The following ADCY9 variants were observed in gnomAD, a reference collection of about 807,000 sequenced individuals.
ADCY9 encodes adenylate cyclase 9.
A neutral mutation model predicts 101.5 loss-of-function variants in ADCY9; 50 were observed. The observed-to-expected ratio is 0.49, with a 90% CI of 0.39 to 0.62. The LOEUF is 0.62. Among genes scored for constraint, ADCY9 ranks in the 20% least tolerant of loss-of-function variants. ADCY9 has a pLI of 0.00. For synonymous variants in ADCY9, 905 were observed against 769.3 expected, an observed-to-expected ratio of 1.18 and a Z score of -2.92; for missense variants, 1,662 against 1,800.4, an observed-to-expected ratio of 0.92 and a Z score of 1.39.
At position 4,115,534 on chromosome 16, in the gene ADCY9, C is replaced by T. The variant is rs3730097; in HGVS notation, c.-43-49G>A. ...AGCGGCGCTCCCACCTAGGCATGCACGCCTAGAGGCCCGGGACCTGCTCCT... is the reference window on the plus strand; with the variant it reads ...AGCGGCGCTCCCACCTAGGCATGCATGCCTAGAGGCCCGGGACCTGCTCCT... On this transcript the variant is annotated intron_variant, in intron 1 of 10. Transcript: ENST00000294016. This position sits in a 1 kb window ranked among gnomAD's most constrained non-coding sequence, Gnocchi z 6.2. 0.02 allele frequency: 28,514 copies of T among 1,404,202 alleles called. 343 individuals carry two copies. The highest frequency in any genetic ancestry group is 0.023 in the South Asian group (1,616 of 69,400). 87.0% of individuals were successfully genotyped at this position (1,404,202 alleles called of 1,614,324 possible).
At chr16:4,068,922 C>T (rs1228645841) in intron 2 of ADCY9, among the ~76,000 whole-genome samples, 2 of 152,002 alleles carry the variant, frequency 1.3e-5, no homozygotes, top group East Asian at 3.8e-4. Context: ...TAAGGACAGA[C>T]CATAATTTCC....
intron 6 of ADCY9, among the ~76,000 whole-genome samples, chr16:3,986,008 C>T (rs931727323): frequency 7.2e-5 from 11 of 152,142 alleles, no homozygotes; most frequent in Non-Finnish European, 1.3e-4. Flanking sequence ...GTGCCACTGG[C>T]TGCCAGGGCA....
At chr16:4,095,203 G>T (rs2056996039) in intron 2 of ADCY9, among the ~76,000 whole-genome samples, 1 of 137,830 alleles carries the variant, frequency 7.3e-6, no homozygotes, top group African/African-American at 2.7e-5. Context: ...GGTTTCGGAC[G>T]TTGGCCAGGC....
At chr16:4,046,611 G>A (rs2056666749) in intron 2 of ADCY9, among the ~76,000 whole-genome samples, 1 of 152,186 alleles carries the variant, frequency 6.6e-6, no homozygotes, top group African/African-American at 2.4e-5. Flanking sequence ...CTGTTTTACA[G>A]CCCTTTAACT....
chr16:4,033,735 G>A (rs896130295), intron 2 of ADCY9, among the ~76,000 whole-genome samples: 17 of 152,198 alleles, frequency 1.1e-4, no homozygotes, highest in African/African-American at 3.1e-4. Flanking sequence ...TATGTTCTTC[G>A]TCAGTTCATG....
At chr16:4,074,209 C>G (rs1456123712) in intron 2 of ADCY9, among the ~76,000 whole-genome samples, 3 of 151,856 alleles carry the variant, frequency 2.0e-5, no homozygotes, top group Non-Finnish European at 4.4e-5. Context: ...TAAACATTTA[C>G]AAGGTTCTCA....
intron 2 of ADCY9, among the ~76,000 whole-genome samples, chr16:4,073,043 G>A (rs1235156978): frequency 2.1e-5 from 3 of 145,660 alleles, no homozygotes; most frequent in East Asian, 4.0e-4. Context: ...AGAAAAAACC[G>A]ACTCTTAAAA....
chr16:3,975,293 CTTAATCTATTCA>C lies in ADCY9; in HGVS notation c.2829-595_2829-584del, dbSNP rs372439772. Among the ~76,000 whole-genome samples the C allele has an allele frequency of 5.3e-3, 806 of 152,274 alleles. 6 individuals are homozygous for C. Among genetic ancestry groups the C allele is most frequent in the African/African-American group, 0.019 (774 of 41,542 alleles). On this transcript the variant is annotated intron_variant, in intron 9 of 10. Coordinates refer to ENST00000294016, the MANE Select transcript of ADCY9 (RefSeq NM_001116.4). The stretch of plus-strand genomic sequence containing the variant: ...AAAAATCCAAGTCTGCTTTATTTTG[CTTAATCTATTCA>C]TTAAAGTTTCCTTTCAAGTACTGAA...
chr16:4,107,204 C>A (rs1275614646), intron 2 of ADCY9, among the ~76,000 whole-genome samples: 5 of 152,096 alleles, frequency 3.3e-5, no homozygotes, highest in Non-Finnish European at 7.4e-5. Context: ...TCATCTCTGC[C>A]ATTTGCTATC....
chr16:4,017,058 G>C (rs1329009940), intron 2 of ADCY9, among the ~76,000 whole-genome samples: 1 of 152,102 alleles, frequency 6.6e-6, no homozygotes, highest in Non-Finnish European at 1.5e-5. Flanking sequence ...CAGCTACTTG[G>C]GAGGCTGAGG....
intron 2 of ADCY9, among the ~76,000 whole-genome samples, chr16:4,031,164 A>G (rs1390750555): frequency 6.6e-6 from 1 of 152,216 alleles, no homozygotes; most frequent in East Asian, 1.9e-4. Flanking sequence ...CATGAACTAT[A>G]TATTTTATAA....
intron 2 of ADCY9, among the ~76,000 whole-genome samples, chr16:4,099,019 G>A (rs2057026123): frequency 6.6e-6 from 1 of 152,006 alleles, no homozygotes; most frequent in South Asian, 2.1e-4. Flanking sequence ...TGCAACCTCT[G>A]CCTCCCAGGT....
rs200834205 is a variant in ADCY9, at chr16:3,965,737, G to A, written c.*38C>T. The A allele has an allele frequency of 1.5e-5, 23 of 1,564,820 alleles. No individual in the cohort carries two copies. The Admixed American group carries it at 1.8e-4, about 12-fold the overall frequency. ...CCAAATACAAATATTACTGTGTTTC[G>A]ACAAACAGAGCACCTCGGGCAGCGG... On this transcript the variant is annotated 3_prime_UTR_variant, in exon 11 of 11. Transcript: ENST00000294016.
At chr16:4,044,071 G>A (rs2056645515) in intron 2 of ADCY9, among the ~76,000 whole-genome samples, 2 of 152,098 alleles carry the variant, frequency 1.3e-5, no homozygotes, top group South Asian at 4.1e-4. Context: ...TCTAGGCCAG[G>A]CACGGTGGCT....
chr16:4,086,865 TCC>T (rs921031812), intron 2 of ADCY9, among the ~76,000 whole-genome samples: 1 of 151,662 alleles, frequency 6.6e-6, no homozygotes, highest in African/African-American at 2.4e-5. Flanking sequence ...TCACCATGTT[TCC>T]CAAGCTGATC....
chr16:3,965,628 T>G lies in ADCY9; in HGVS notation c.*147A>C. The stretch of plus-strand genomic sequence containing the variant: ...GATGAAAATGAACCCTGAATAACTG[T>G]GATCCACACAGAAGTTAGGGCTGAA... On this transcript the variant is annotated 3_prime_UTR_variant, in exon 11 of 11. Transcript: ENST00000294016. The G allele has an allele frequency of 1.4e-6, 1 of 702,166 alleles. No homozygotes were observed. The highest frequency in any genetic ancestry group is 2.3e-6 in the Non-Finnish European group (1 of 427,278). The allele number at this position is 702,166 out of a possible 1,614,324, so 43.5% of individuals were successfully genotyped here.
intron 2 of ADCY9, among the ~76,000 whole-genome samples, chr16:4,111,868 T>C (rs2057115996): frequency 4.0e-5 from 6 of 149,260 alleles, no homozygotes; most frequent in Non-Finnish European, 8.9e-5. Context: ...TTTTTGGCTC[T>C]GTGTCTGAGA....
intron 2 of ADCY9, among the ~76,000 whole-genome samples, chr16:4,099,363 G>T (rs1017319007): frequency 2.0e-5 from 3 of 152,162 alleles, no homozygotes; most frequent in African/African-American, 7.2e-5. Context: ...AAGCTTCCAA[G>T]GAACTCGAAG....
At chr16:3,993,130 C>A (rs1451274445) in intron 4 of ADCY9, among the ~76,000 whole-genome samples, 1 of 152,180 alleles carries the variant, frequency 6.6e-6, no homozygotes, top group Non-Finnish European at 1.5e-5. Flanking sequence ...CAAATCCCCT[C>A]CCGGCACTCG....
Sources: allele counts gnomAD v4.1 joint callset (sites outside exome capture counted in the v4.1 genomes callset), GRCh38; gene constraint gnomAD v4.1.1; non-coding constraint Gnocchi (gnomAD v3.1); transcripts MANE v1.5; gene names NCBI Gene and HGNC (gene_info 2026-07-23, HGNC 2026-07-21).